Variants in THRB observed in about 807,000 individuals in gnomAD.
THRB encodes thyroid hormone receptor beta.
In THRB, 12 loss-of-function variants were observed where a neutral mutation model predicts 47.8. That is an observed-to-expected ratio of 0.25 (90% confidence interval 0.16 to 0.41). The LOEUF is 0.41. Among genes scored for constraint, THRB ranks in the 10% least tolerant of loss-of-function variants. The pLI, the probability that THRB is intolerant of heterozygous loss-of-function variation, is 1.00. For missense variants in THRB, 348 were observed against 589.2 expected, an observed-to-expected ratio of 0.59 and a Z score of 4.24; for synonymous variants, 218 against 212.2, an observed-to-expected ratio of 1.03 and a Z score of -0.24.
chr3:24,431,530 C>T (rs185558281), intron 1 of THRB, among the ~76,000 whole-genome samples: 3 of 151,990 alleles, frequency 2.0e-5, no homozygotes, highest in Admixed American at 6.6e-5. Flanking sequence ...GCCTAATGCA[C>T]CACTTCTTGG....
chr3:24,469,381 G>C (rs893231022), intron 1 of THRB, among the ~76,000 whole-genome samples: 1 of 152,132 alleles, frequency 6.6e-6, no homozygotes. Context: ...AGCCACCCAG[G>C]AGCTGGGAAA....
intron 8 of THRB, among the ~76,000 whole-genome samples, chr3:24,133,856 G>T (rs1300563771): frequency 7.2e-5 from 11 of 152,198 alleles, no homozygotes; most frequent in African/African-American, 2.7e-4. Context: ...GTGTCTGTGT[G>T]TGGGAGGTGG....
At chr3:24,288,289 G>A (rs1417999318) in intron 3 of THRB, among the ~76,000 whole-genome samples, 2 of 152,212 alleles carry the variant, frequency 1.3e-5, no homozygotes, top group African/African-American at 4.8e-5. Flanking sequence ...ATTGGCAGCT[G>A]CAGAGCCAGG....
At chr3:24,314,587 C>T (rs956950887) in intron 2 of THRB, among the ~76,000 whole-genome samples, 2 of 152,150 alleles carry the variant, frequency 1.3e-5, no homozygotes, top group African/African-American at 4.8e-5. Flanking sequence ...AACTCTTTTC[C>T]TGAGGGAAAT....
At chr3:24,463,458 C>T (rs2073870653) in intron 1 of THRB, among the ~76,000 whole-genome samples, 1 of 152,080 alleles carries the variant, frequency 6.6e-6, no homozygotes, top group Non-Finnish European at 1.5e-5. Context: ...TTTGTAGAGA[C>T]AGGGTCTTCC....
chr3:24,438,573 T>C (rs753115834), intron 1 of THRB, among the ~76,000 whole-genome samples: 5 of 151,490 alleles, frequency 3.3e-5, no homozygotes, highest in African/African-American at 7.3e-5. Flanking sequence ...AAAATGGCAT[T>C]ATGAGATCCA....
intron 5 of THRB, among the ~76,000 whole-genome samples, chr3:24,156,804 A>G (rs982189436): frequency 1.3e-5 from 2 of 152,152 alleles, no homozygotes; most frequent in African/African-American, 4.8e-5. Flanking sequence ...TTCATCCTGC[A>G]GCTCAGACCT....
intron 4 of THRB, among the ~76,000 whole-genome samples, chr3:24,195,675 C>G (rs938680947): frequency 2.6e-5 from 4 of 152,204 alleles, no homozygotes; most frequent in African/African-American, 9.7e-5. Context: ...CACTGAGCCT[C>G]CCTCTGGCTG....
At chr3:24,297,502 C>G (rs1468134837) in intron 2 of THRB, 131 bp from the exon 3 acceptor site, 7 of 152,214 alleles carry the variant, frequency 4.6e-5, no homozygotes. Flanking sequence ...TGGTGATGAC[C>G]CAGACGAGTT....
chr3:24,171,991 T>G (rs2149361125), intron 5 of THRB, among the ~76,000 whole-genome samples: 1 of 152,236 alleles, frequency 6.6e-6, no homozygotes, highest in South Asian at 2.1e-4. Context: ...AAAAATAAAC[T>G]TTATAATCAA....
chr3:24,380,539 C>T (rs1258183526), intron 1 of THRB, among the ~76,000 whole-genome samples: 1 of 152,112 alleles, frequency 6.6e-6, no homozygotes, highest in African/African-American at 2.4e-5. Context: ...TCACAACAGC[C>T]CTAAATGCTT....
chr3:24,240,787 A>G (rs183298678), intron 3 of THRB, among the ~76,000 whole-genome samples: 1 of 152,226 alleles, frequency 6.6e-6, no homozygotes, highest in Non-Finnish European at 1.5e-5. Context: ...CTGCATTTCT[A>G]ACAAGTTCCT....
chr3:24,125,679 C>T (rs1250382136), intron 10 of THRB, among the ~76,000 whole-genome samples: 1 of 152,166 alleles, frequency 6.6e-6, no homozygotes, highest in African/African-American at 2.4e-5. Context: ...CACCCTCAGC[C>T]CTAGAGGTCA....
chr3:24,212,764 G>T (rs1035201868), intron 4 of THRB, among the ~76,000 whole-genome samples: 1 of 152,050 alleles, frequency 6.6e-6, no homozygotes, highest in Non-Finnish European at 1.5e-5. Flanking sequence ...AGACAGCCTG[G>T]GAGAAAGCTG....
At chr3:24,371,912 G>A (rs549420293) in intron 1 of THRB, among the ~76,000 whole-genome samples, 8 of 152,172 alleles carry the variant, frequency 5.3e-5, no homozygotes, top group Admixed American at 1.3e-4. Context: ...TTTATAAGAC[G>A]TGAGTGGCAC....
At chr3:24,367,451 C>T (rs184244563) in intron 1 of THRB, among the ~76,000 whole-genome samples, 18 of 152,230 alleles carry the variant, frequency 1.2e-4, no homozygotes, top group Admixed American at 1.2e-3. Context: ...GGCTTATTTC[C>T]TCAATGGATA....
At chr3:24,347,650 AAG>A in intron 1 of THRB, among the ~76,000 whole-genome samples, 1 of 151,734 alleles carries the variant, frequency 6.6e-6, no homozygotes, top group Non-Finnish European at 1.5e-5. Flanking sequence ...GAATAAAAAA[AAG>A]AAATCACTAT....
intron 7 of THRB, chr3:24,144,765 T>C (rs1427303497): frequency 6.6e-6 from 1 of 152,064 alleles, no homozygotes; most frequent in Non-Finnish European, 1.5e-5. Context: ...AAGAAGAAAT[T>C]GATCCAGAGA....
At chr3:24,408,311 A>C (rs538668314) in intron 1 of THRB, among the ~76,000 whole-genome samples, 21 of 151,996 alleles carry the variant, frequency 1.4e-4, no homozygotes, top group African/African-American at 5.1e-4. Flanking sequence ...TCAATTATTC[A>C]GACATAACGC....
Sources: gnomAD v4.1 joint callset for allele counts (sites outside exome capture counted in the v4.1 genomes callset) on GRCh38, gnomAD v4.1.1 for gene constraint, MANE v1.5 for transcripts, NCBI Gene and HGNC (gene_info 2026-07-23, HGNC 2026-07-21) for gene names.